Variants in XPO4 observed in about 807,000 individuals in gnomAD.
XPO4 encodes exportin 4, also known as exportin-4.
XPO4 carries 39 observed loss-of-function variants against 143.0 expected under a neutral mutation model. That is an observed-to-expected ratio of 0.27 (90% CI 0.21 to 0.36). The LOEUF (loss-of-function observed/expected upper bound fraction) is 0.36. Among genes scored for constraint, XPO4 ranks in the 10% least tolerant of loss-of-function variants. The pLI is 1.00. For missense variants in XPO4, 907 were observed against 1,348.0 expected, an observed-to-expected ratio of 0.67 and a Z score of 5.12; for synonymous variants, 439 against 474.0, an observed-to-expected ratio of 0.93 and a Z score of 0.96.
intron 9 of XPO4, among the ~76,000 whole-genome samples, chr13:20,816,146 A>T (rs1013585595): frequency 6.6e-6 from 1 of 152,232 alleles, no homozygotes; most frequent in Non-Finnish European, 1.5e-5. Context: ...CATCAGCACA[A>T]TCCCCACGTC....
intron 18 of XPO4, 29 bp downstream of exon 18, chr13:20,796,047 A>C: frequency 6.4e-7 from 1 of 1,572,830 alleles, no homozygotes; most frequent in Non-Finnish European, 8.6e-7. Flanking sequence ...ATAACAACAA[A>C]GTTTAAAAAC....
At chr13:20,839,542 A>C (rs1403367328) in intron 6 of XPO4, among the ~76,000 whole-genome samples, 1 of 152,154 alleles carries the variant, frequency 6.6e-6, no homozygotes, top group African/African-American at 2.4e-5. Context: ...CATCTCAATA[A>C]AACTATTATT....
intron 6 of XPO4, among the ~76,000 whole-genome samples, chr13:20,841,343 G>A (rs950163872): frequency 1.3e-5 from 2 of 149,828 alleles, no homozygotes; most frequent in African/African-American, 4.9e-5. Flanking sequence ...AATAAAGCCT[G>A]CCTTACCAAC....
chr13:20,817,306 G>T (rs1399964395), intron 9 of XPO4, among the ~76,000 whole-genome samples: 3 of 152,184 alleles, frequency 2.0e-5, no homozygotes, highest in African/African-American at 7.2e-5. Flanking sequence ...ACAAGCCAGA[G>T]AAATTAAATT....
At chr13:20,820,208 G>A (rs909938191) in intron 9 of XPO4, among the ~76,000 whole-genome samples, 7 of 152,324 alleles carry the variant, frequency 4.6e-5, no homozygotes, top group African/African-American at 1.7e-4. Context: ...ACACACATCT[G>A]CTTCTCTGCA....
chr13:20,829,916 C>G (rs2059831739), intron 6 of XPO4, among the ~76,000 whole-genome samples: 1 of 152,136 alleles, frequency 6.6e-6, no homozygotes, highest in Non-Finnish European at 1.5e-5. Flanking sequence ...TCTCCTCTAT[C>G]TTTTTATAAA....
In XPO4 at chr13:20,780,065, C is replaced by T. The variant is rs1350302624; in HGVS notation, c.*3657G>A. 2 of 152,102 alleles carry T rather than the reference C, an allele frequency of 1.3e-5. No homozygotes were observed. Among genetic ancestry groups the T allele is most frequent in the Admixed American group, 6.5e-5 (1 of 15,272 alleles). 9.4% of individuals were successfully genotyped at this position (152,102 alleles called of 1,614,324 possible). On this transcript the variant is annotated 3_prime_UTR_variant, in exon 23 of 23. Transcript: ENST00000255305. ...TCAACAATGTTTTTTTGTGGGAAAGCTTACAGAAAATTATAATGTTAAACC... is the reference window on the plus strand; with the variant it reads ...TCAACAATGTTTTTTTGTGGGAAAGTTTACAGAAAATTATAATGTTAAACC...
At chr13:20,806,425 T>C (rs1208912953) in intron 13 of XPO4, among the ~76,000 whole-genome samples, 1 of 151,928 alleles carries the variant, frequency 6.6e-6, no homozygotes, top group Admixed American at 6.6e-5. Context: ...GTTTTGCAGC[T>C]GACAAAAACC....
intron 1 of XPO4, among the ~76,000 whole-genome samples, chr13:20,887,265 T>C (rs1336950062): frequency 1.3e-5 from 2 of 152,114 alleles, no homozygotes; most frequent in Non-Finnish European, 2.9e-5. Context: ...AAGAAATTTA[T>C]ACATCAATCC....
In XPO4 at chr13:20,787,426, C is replaced by A. The variant is rs2059220144; in HGVS notation, c.3165+55G>T. 10 of 1,509,890 alleles carry A rather than the reference C, an allele frequency of 6.6e-6. No homozygotes were observed. In the South Asian group the frequency reaches 1.1e-4, roughly 17 times the overall value. The allele number at this position is 1,509,890 out of a possible 1,614,324, so 93.5% of individuals were successfully genotyped here. A position where few individuals can be genotyped will look rare whatever the true frequency, so the allele number is the denominator to read the frequency against. On this transcript the variant is annotated intron_variant, in intron 21 of 22. Coordinates refer to ENST00000255305, the MANE Select transcript of XPO4 (RefSeq NM_022459.5). ...TCATTTGAATGCAGAATTATGTGCA[C>A]CGACCACACTTTTGAAAGTAGCTGA... is the stretch of plus-strand genomic sequence containing the variant.
At chr13:20,864,523 G>A (rs1340022808) in intron 2 of XPO4, among the ~76,000 whole-genome samples, 3 of 152,102 alleles carry the variant, frequency 2.0e-5, no homozygotes, top group African/African-American at 7.2e-5. Context: ...GGAGCTGAAG[G>A]ATGCCCCAAG....
intron 1 of XPO4, among the ~76,000 whole-genome samples, chr13:20,873,101 C>CA (rs11420948): frequency 0.26 from 33,009 of 127,958 alleles, 5,467 homozygotes; most frequent in East Asian, 0.8. Flanking sequence ...CAAGGATCTT[C>CA]AAAAAAAAAA....
intron 2 of XPO4, among the ~76,000 whole-genome samples, chr13:20,866,939 T>C (rs953374923): frequency 1.3e-5 from 2 of 152,230 alleles, no homozygotes; most frequent in African/African-American, 2.4e-5. Context: ...GAAACACTGA[T>C]GGAATCCTAG....
chr13:20,858,492 C>T (rs2060166066), intron 3 of XPO4, among the ~76,000 whole-genome samples: 1 of 152,020 alleles, frequency 6.6e-6, no homozygotes, highest in Non-Finnish European at 1.5e-5. Context: ...TGAGCCTCTA[C>T]TGGAAAAAGG....
chr13:20,808,324 C>T (rs1595077695), intron 12 of XPO4, 112 bp downstream of exon 12: 1 of 1,183,730 alleles, frequency 8.4e-7, no homozygotes. Context: ...TGGCTGTATC[C>T]AAATTTTATC....
chr13:20,880,361 G>A (rs1197880175), intron 1 of XPO4, among the ~76,000 whole-genome samples: 1 of 152,154 alleles, frequency 6.6e-6, no homozygotes, highest in Non-Finnish European at 1.5e-5. Context: ...GAACCCAGTA[G>A]GTAGTGGTTG....
At chr13:20,845,025 C>A (rs1163464409) in intron 4 of XPO4, among the ~76,000 whole-genome samples, 2 of 152,078 alleles carry the variant, frequency 1.3e-5, no homozygotes, top group Non-Finnish European at 2.9e-5. Context: ...ACAAAAAAAT[C>A]AGCTAGGCAT....
intron 4 of XPO4, among the ~76,000 whole-genome samples, chr13:20,844,226 G>C (rs1277728882): frequency 1.3e-5 from 2 of 152,130 alleles, no homozygotes; most frequent in African/African-American, 4.8e-5. Flanking sequence ...TTAATTCGCA[G>C]AACAACCTAT....
At chr13:20,809,445 C>T (rs959961993) in intron 10 of XPO4, among the ~76,000 whole-genome samples, 1 of 152,092 alleles carries the variant, frequency 6.6e-6, no homozygotes, top group African/African-American at 2.4e-5. Flanking sequence ...GCAAGAAGTA[C>T]AGGAATCACT....
Sources: gnomAD v4.1 joint callset for allele counts (sites outside exome capture counted in the v4.1 genomes callset) on GRCh38, gnomAD v4.1.1 for gene constraint, MANE v1.5 for transcripts, NCBI Gene and HGNC (gene_info 2026-07-23, HGNC 2026-07-21) for gene names.